EYA1: variants seen among roughly 807,000 people sequenced by gnomAD.
The protein encoded by EYA1 is protein phosphatase EYA1.
In EYA1, 16 loss-of-function variants were observed where a neutral mutation model predicts 82.0. That is an observed-to-expected ratio of 0.20 (90% CI 0.13 to 0.30). The LOEUF is 0.30. Ranked by LOEUF, EYA1 falls within the 10% of genes least tolerant of loss-of-function variation. The probability of loss-of-function intolerance (pLI) is 1.00; values close to 1 mark genes in which losing one functional copy is unlikely to be tolerated. For synonymous variants in EYA1, 261 were observed against 264.4 expected, an observed-to-expected ratio of 0.99 and a Z score of 0.12; for missense variants, 633 against 730.7, an observed-to-expected ratio of 0.87 and a Z score of 1.54.
At chr8:71,495,626 A>G (rs562919996) in intron 2 of EYA1, among the ~76,000 whole-genome samples, 1 of 152,316 alleles carries the variant, frequency 6.6e-6, no homozygotes, top group South Asian at 2.1e-4. Flanking sequence ...AAATAAATAA[A>G]TAAACAAAAT....
chr8:71,247,313 C>T (rs1813225236), intron 11 of EYA1, among the ~76,000 whole-genome samples: 1 of 152,272 alleles, frequency 6.6e-6, no homozygotes, highest in Non-Finnish European at 1.5e-5. Flanking sequence ...AATTCACTCA[C>T]CTCAGTTCCT....
At chr8:71,515,634 T>A (rs1812918638) in intron 2 of EYA1, among the ~76,000 whole-genome samples, 1 of 152,116 alleles carries the variant, frequency 6.6e-6, no homozygotes, top group Admixed American at 6.6e-5. Context: ...TTAACCCAAG[T>A]CTTTTTTTAC....
At chr8:71,406,007 G>A (rs949159913) in intron 2 of EYA1, among the ~76,000 whole-genome samples, 3 of 152,140 alleles carry the variant, frequency 2.0e-5, no homozygotes, top group African/African-American at 7.2e-5. Context: ...AATCCAGACT[G>A]TGGCAAACTT....
At chr8:71,439,825 A>C (rs1806281387) in intron 2 of EYA1, among the ~76,000 whole-genome samples, 1 of 152,298 alleles carries the variant, frequency 6.6e-6, no homozygotes, top group Non-Finnish European at 1.5e-5. Flanking sequence ...CCTCTACTCA[A>C]CTAGCTGTGG....
intron 2 of EYA1, among the ~76,000 whole-genome samples, chr8:71,369,340 A>G (rs1377716765): frequency 6.6e-6 from 1 of 152,150 alleles, no homozygotes; most frequent in African/African-American, 2.4e-5. Context: ...AGTGTGTAGA[A>G]TTATTAACAT....
intron 4 of EYA1, 114 bp from the exon 5 acceptor site, chr8:71,322,382 T>G: frequency 1.1e-6 from 1 of 897,552 alleles, no homozygotes; most frequent in Non-Finnish European, 1.8e-6. Context: ...ATTTCAGATA[T>G]TTGGTCTTTG....
intron 2 of EYA1, among the ~76,000 whole-genome samples, chr8:71,472,788 G>GAT (rs71264559): frequency 0.027 from 3,373 of 126,684 alleles, 92 homozygotes; most frequent in African/African-American, 0.064. Context: ...TAGCTTTGAA[G>GAT]ATATATATAT....
intron 7 of EYA1, 74 bp downstream of exon 7, chr8:71,317,478 A>C: frequency 6.8e-7 from 1 of 1,473,832 alleles, no homozygotes; most frequent in Non-Finnish European, 9.5e-7. Context: ...ATTTACATGG[A>C]ACATCAGGTT....
intron 11 of EYA1, among the ~76,000 whole-genome samples, chr8:71,256,053 AAAT>A (rs1814377049): frequency 6.6e-6 from 1 of 152,182 alleles, no homozygotes; most frequent in Non-Finnish European, 1.5e-5. Flanking sequence ...AAAAAACAGA[AAAT>A]AATAAGTGTT....
chr8:71,406,627 A>T (rs1183829626), intron 2 of EYA1, among the ~76,000 whole-genome samples: 4 of 152,202 alleles, frequency 2.6e-5, no homozygotes, highest in Non-Finnish European at 2.9e-5. Flanking sequence ...GCACCTGGAA[A>T]ATCGGGTCAC....
intron 11 of EYA1, among the ~76,000 whole-genome samples, chr8:71,246,943 CCACCCA>C (rs1294570477): frequency 6.6e-6 from 1 of 151,392 alleles, no homozygotes; most frequent in Non-Finnish European, 1.5e-5. Context: ...CCTCTTGGCA[CCACCCA>C]CACCCTTCCA....
At chr8:71,427,092 T>C (rs927898321) in intron 2 of EYA1, among the ~76,000 whole-genome samples, 1 of 152,218 alleles carries the variant, frequency 6.6e-6, no homozygotes, top group Non-Finnish European at 1.5e-5. Context: ...TGTCTTGCGG[T>C]TTTCCTCTTC....
chr8:71,478,543 CA>C (rs1809849480), intron 2 of EYA1, among the ~76,000 whole-genome samples: 1 of 152,202 alleles, frequency 6.6e-6, no homozygotes, highest in South Asian at 2.1e-4. Flanking sequence ...AAATGAGCTT[CA>C]TAAGGATTAA....
intron 9 of EYA1, among the ~76,000 whole-genome samples, chr8:71,295,484 A>G (rs1274450888): frequency 6.6e-6 from 1 of 152,226 alleles, no homozygotes; most frequent in African/African-American, 2.4e-5. Flanking sequence ...GGTGCTTCAC[A>G]TCATATGTCA....
chr8:71,521,083 T>C (rs1245947116), intron 2 of EYA1, among the ~76,000 whole-genome samples: 1 of 152,106 alleles, frequency 6.6e-6, no homozygotes, highest in Non-Finnish European at 1.5e-5. Flanking sequence ...AAAAAAATCT[T>C]TATTTTTTTC....
chr8:71,393,576 C>G (rs1052528292), intron 2 of EYA1, among the ~76,000 whole-genome samples: 4 of 152,074 alleles, frequency 2.6e-5, no homozygotes, highest in Non-Finnish European at 5.9e-5. Context: ...ATAGTTTGCT[C>G]AGAATGATGG....
chr8:71,306,394 A>G (rs184230450), intron 7 of EYA1, among the ~76,000 whole-genome samples: 1 of 151,612 alleles, frequency 6.6e-6, no homozygotes, highest in African/African-American at 2.4e-5. Flanking sequence ...AATGTCCAAC[A>G]AATCATCATT....
chr8:71,477,119 C>T (rs1809725884), intron 2 of EYA1, among the ~76,000 whole-genome samples: 1 of 152,014 alleles, frequency 6.6e-6, no homozygotes, highest in East Asian at 1.9e-4. Context: ...AACTGTAAAA[C>T]ATACAGGGAG....
At chr8:71,317,918 C>T (rs1476455242) in intron 6 of EYA1, among the ~76,000 whole-genome samples, 3 of 152,134 alleles carry the variant, frequency 2.0e-5, no homozygotes, top group African/African-American at 7.2e-5. Flanking sequence ...TGTTTTATTG[C>T]ACTTCAAGAC....
Sources: allele counts gnomAD v4.1 joint callset (sites outside exome capture counted in the v4.1 genomes callset), GRCh38; gene constraint gnomAD v4.1.1; transcripts MANE v1.5; gene names NCBI Gene and HGNC (gene_info 2026-07-23, HGNC 2026-07-21).